The following TNIK variants were observed in gnomAD, a reference collection of about 807,000 sequenced individuals.
The protein encoded by TNIK is TRAF2 and NCK interacting kinase, also known as TRAF2 and NCK-interacting protein kinase.
In TNIK, 49 loss-of-function variants were observed where a neutral mutation model predicts 191.3. The observed-to-expected ratio is 0.26, with a 90% CI of 0.20 to 0.32. The LOEUF is 0.32. Ranked by LOEUF, TNIK falls within the 10% of genes least tolerant of loss-of-function variation. The pLI, the probability that TNIK is intolerant of heterozygous loss-of-function variation, is 1.00. For missense variants in TNIK, 1,155 were observed against 1,702.3 expected (o/e 0.68, Z 5.66); for synonymous variants, 594 against 600.9 (o/e 0.99, Z 0.17).
chr3:171,279,509 T>C (rs1037494916), intron 2 of TNIK, among the ~76,000 whole-genome samples: 13 of 152,198 alleles, frequency 8.5e-5, no homozygotes, highest in Admixed American at 8.5e-4. Context: ...GCCCTCCCAC[T>C]GCAAATACAT....
At position 171,161,383 on chromosome 3, in the gene TNIK, T is replaced by C. The variant is rs1560200101; in HGVS notation, c.950-47A>G. 5 of 1,577,136 alleles carry C rather than the reference T, an allele frequency of 3.2e-6. No individual in the cohort carries two copies. The East Asian group carries it at 1.1e-4, about 35-fold the overall frequency. On this transcript the variant is annotated intron_variant, in intron 10 of 32. Transcript: ENST00000436636. ...TTAGTGCACAAAAAGATGCTATGGC[T>C]CAGTAAAGCCCAACCCCGTCTCTTA...
chr3:171,135,396 G>T (rs969950551), intron 15 of TNIK, among the ~76,000 whole-genome samples: 2 of 152,144 alleles, frequency 1.3e-5, no homozygotes, highest in African/African-American at 4.8e-5. Flanking sequence ...TCAAACCAAG[G>T]CAGACAATTA....
intron 1 of TNIK, among the ~76,000 whole-genome samples, chr3:171,383,231 G>T (rs982650464): frequency 1.3e-5 from 2 of 152,176 alleles, no homozygotes; most frequent in African/African-American, 4.8e-5. Flanking sequence ...AGGTGCCTAC[G>T]TTCACAAGGC....
At chr3:171,378,328 A>G (rs1577695173) in intron 1 of TNIK, among the ~76,000 whole-genome samples, 1 of 152,094 alleles carries the variant, frequency 6.6e-6, no homozygotes, top group Non-Finnish European at 1.5e-5. Context: ...CAGCTTCACC[A>G]TTTTCTAGCC....
chr3:171,202,061 A>G (rs1324123215), intron 4 of TNIK, among the ~76,000 whole-genome samples: 1 of 152,198 alleles, frequency 6.6e-6, no homozygotes, highest in Non-Finnish European at 1.5e-5. Context: ...GCCCACTACA[A>G]ATGCTCAAGT....
chr3:171,087,859 C>T (rs908213846), intron 23 of TNIK, among the ~76,000 whole-genome samples: 1 of 152,124 alleles, frequency 6.6e-6, no homozygotes, highest in African/African-American at 2.4e-5. Context: ...GCACCTGCCA[C>T]TTATATATAT....
At chr3:171,117,324 T>TA (rs1726887249) in intron 18 of TNIK, among the ~76,000 whole-genome samples, 1 of 152,150 alleles carries the variant, frequency 6.6e-6, no homozygotes, top group African/African-American at 2.4e-5. Flanking sequence ...TAGCACAGAA[T>TA]GGTGCTTAAG....
intron 23 of TNIK, 94 bp from the exon 24 acceptor site, chr3:171,087,600 C>A: frequency 7.4e-7 from 1 of 1,355,092 alleles, no homozygotes; most frequent in Non-Finnish European, 1.0e-6. Context: ...TACGGGGCTC[C>A]AAATCAACCC....
chr3:171,095,433 T>C (rs1396047651), intron 22 of TNIK, among the ~76,000 whole-genome samples: 1 of 152,230 alleles, frequency 6.6e-6, no homozygotes, highest in Non-Finnish European at 1.5e-5. Flanking sequence ...TCTCCTATTT[T>C]AGCATCTGCC....
intron 2 of TNIK, among the ~76,000 whole-genome samples, chr3:171,289,176 C>T (rs1290198967): frequency 6.6e-6 from 1 of 152,140 alleles, no homozygotes; most frequent in African/African-American, 2.4e-5. Flanking sequence ...GTGAATGTCC[C>T]AAATTGGAAG....
In TNIK at chr3:171,385,490, T is replaced by G. The variant is rs555016475; in HGVS notation, c.58-15805A>C. Among the ~76,000 whole-genome samples, 5 of 151,778 alleles carry G rather than the reference T, an allele frequency of 3.3e-5. No individual in the cohort carries two copies. The East Asian group carries it at 9.7e-4, about 29-fold the overall frequency. On this transcript the variant is annotated intron_variant, in intron 1 of 32. Coordinates refer to ENST00000436636, the MANE Select transcript of TNIK (RefSeq NM_015028.4). ...GCTCAAGAAAGGAGAAAGGATGGAG[T>G]TTGGGATCTCTGCTCTAACAAGTCA...
chr3:171,202,900 A>G (rs1352991492), intron 4 of TNIK, among the ~76,000 whole-genome samples: 3 of 152,198 alleles, frequency 2.0e-5, no homozygotes, highest in Non-Finnish European at 4.4e-5. Context: ...CACAAATAAC[A>G]AGACTAAATA....
intron 1 of TNIK, among the ~76,000 whole-genome samples, chr3:171,380,629 TAGG>T (rs772230135): frequency 6.6e-6 from 1 of 152,240 alleles, no homozygotes; most frequent in Non-Finnish European, 1.5e-5. Flanking sequence ...CTAAGTCTAA[TAGG>T]AGTATGAGGC....
chr3:171,436,711 C>T (rs1019734130), intron 1 of TNIK, among the ~76,000 whole-genome samples: 25 of 152,294 alleles, frequency 1.6e-4, no homozygotes, highest in African/African-American at 4.1e-4. Context: ...GTGCCAAAAA[C>T]GTTCTGGCTA....
chr3:171,424,399 T>C (rs1271923342), intron 1 of TNIK, among the ~76,000 whole-genome samples: 1 of 152,180 alleles, frequency 6.6e-6, no homozygotes, highest in East Asian at 1.9e-4. Flanking sequence ...TATAAACTAG[T>C]TCAACCATGG....
At chr3:171,400,899 G>A (rs571396978) in intron 1 of TNIK, among the ~76,000 whole-genome samples, 1 of 152,298 alleles carries the variant, frequency 6.6e-6, no homozygotes, top group Admixed American at 6.5e-5. Context: ...ATTCAGGGAG[G>A]ACTGAAGTCA....
chr3:171,188,612 A>G, intron 7 of TNIK, 90 bp downstream of exon 7: 1 of 1,483,174 alleles, frequency 6.7e-7, no homozygotes, highest in Non-Finnish European at 9.1e-7. Context: ...TTTGGGTGAC[A>G]TAAATCATAA....
intron 2 of TNIK, among the ~76,000 whole-genome samples, chr3:171,304,927 G>A (rs1379407926): frequency 6.6e-6 from 1 of 151,050 alleles, no homozygotes; most frequent in African/African-American, 2.4e-5. Context: ...GTTAATGGGT[G>A]CAGCACACCA....
intron 2 of TNIK, among the ~76,000 whole-genome samples, chr3:171,269,788 A>G (rs1748863999): frequency 6.6e-6 from 1 of 152,234 alleles, no homozygotes; most frequent in South Asian, 2.1e-4. Flanking sequence ...ATATGTGACA[A>G]TCACTGCTGA....
Sources: allele counts gnomAD v4.1 joint callset (sites outside exome capture counted in the v4.1 genomes callset), GRCh38; gene constraint gnomAD v4.1.1; transcripts MANE v1.5; gene names NCBI Gene and HGNC (gene_info 2026-07-23, HGNC 2026-07-21).